ERBB4: variants seen among roughly 807,000 people sequenced by gnomAD.
ERBB4 encodes erb-b2 receptor tyrosine kinase 4.
In ERBB4, 42 loss-of-function variants were observed where a neutral mutation model predicts 158.0. The observed-to-expected ratio is 0.27, with a 90% CI of 0.21 to 0.34. ERBB4 has a LOEUF of 0.34. Ranked by LOEUF, ERBB4 falls within the 10% of genes least tolerant of loss-of-function variation. The pLI is 1.00. For synonymous variants in ERBB4, 583 were observed against 558.7 expected (o/e 1.04, Z -0.61); for missense variants, 1,333 against 1,624.1 (o/e 0.82, Z 3.08).
intron 19 of ERBB4, among the ~76,000 whole-genome samples, chr2:211,595,301 G>C (rs935245238): frequency 7.9e-5 from 12 of 151,984 alleles, no homozygotes; most frequent in African/African-American, 2.9e-4. Context: ...TTAAAATTAA[G>C]AGCTAAGATC....
intron 1 of ERBB4, among the ~76,000 whole-genome samples, chr2:212,535,820 C>T (rs1575100283): frequency 1.3e-5 from 2 of 152,088 alleles, no homozygotes; most frequent in Admixed American, 6.6e-5. Flanking sequence ...AGGTTCTCTT[C>T]TGTTACAATT....
chr2:212,128,537 T>G (rs1038234930), intron 1 of ERBB4, among the ~76,000 whole-genome samples: 2 of 152,096 alleles, frequency 1.3e-5, no homozygotes, highest in African/African-American at 4.8e-5. Flanking sequence ...TAAAAGGAAG[T>G]AGGATTTTCA....
chr2:211,779,786 T>A (rs2075989217), intron 4 of ERBB4: 1 of 152,128 alleles, frequency 6.6e-6, no homozygotes, highest in Non-Finnish European at 1.5e-5. Context: ...AAAGAAGGAA[T>A]CAAACTCCCA....
intron 1 of ERBB4, among the ~76,000 whole-genome samples, chr2:212,329,850 G>T (rs1307442291): frequency 1.3e-5 from 2 of 152,028 alleles, no homozygotes; most frequent in African/African-American, 4.8e-5. Context: ...AATCCCTTTA[G>T]AAAGAGAAAA....
chr2:211,520,212 T>C (rs1046409252), intron 20 of ERBB4, among the ~76,000 whole-genome samples: 1 of 152,186 alleles, frequency 6.6e-6, no homozygotes, highest in Non-Finnish European at 1.5e-5. Flanking sequence ...ATTTTGGTTT[T>C]GTTTCATACG....
chr2:212,430,767 G>A (rs903632925), intron 1 of ERBB4, among the ~76,000 whole-genome samples: 1 of 152,110 alleles, frequency 6.6e-6, no homozygotes, highest in African/African-American at 2.4e-5. Flanking sequence ...TGAGTACAGA[G>A]TTATTTTCCA....
In ERBB4 at chr2:211,631,967, A is replaced by T. The variant is rs148474023; in HGVS notation, c.1947-1373T>A. Among the ~76,000 whole-genome samples the T allele has an allele frequency of 1.0e-3, 156 of 152,212 alleles. 3 individuals carry two copies. In the East Asian group the frequency reaches 0.026, roughly 26 times the overall value. Reference sequence around the variant, plus strand: ...AATAGTATGGTGGATGATTCTCAATAAAATCTTGAAATTTTAAAAAGCTCA... The same window carrying T: ...AATAGTATGGTGGATGATTCTCAATTAAATCTTGAAATTTTAAAAAGCTCA... On this transcript the variant is annotated intron_variant, in intron 16 of 27. Coordinates refer to ENST00000342788, the MANE Select transcript of ERBB4 (RefSeq NM_005235.3).
At chr2:211,473,918 G>C (rs933148191) in intron 20 of ERBB4, among the ~76,000 whole-genome samples, 1 of 152,038 alleles carries the variant, frequency 6.6e-6, no homozygotes, top group Non-Finnish European at 1.5e-5. Context: ...TTTGAAGTTT[G>C]TGGAGAGATT....
At chr2:211,492,633 C>A (rs957524961) in intron 20 of ERBB4, among the ~76,000 whole-genome samples, 3 of 152,012 alleles carry the variant, frequency 2.0e-5, no homozygotes, top group Non-Finnish European at 2.9e-5. Flanking sequence ...ACAATAAGCA[C>A]AACAACAATT....
At chr2:212,339,116 A>G (rs2088582233) in intron 1 of ERBB4, among the ~76,000 whole-genome samples, 1 of 152,082 alleles carries the variant, frequency 6.6e-6, no homozygotes, top group Non-Finnish European at 1.5e-5. Flanking sequence ...CATCACTTAC[A>G]TATTAAGTCC....
intron 2 of ERBB4, among the ~76,000 whole-genome samples, chr2:212,103,074 A>G (rs1202930698): frequency 1.3e-5 from 2 of 152,054 alleles, no homozygotes; most frequent in Admixed American, 6.6e-5. Context: ...ATTTATTTCA[A>G]TGCATGACAG....
intron 25 of ERBB4, among the ~76,000 whole-genome samples, chr2:211,410,245 A>T (rs182539306): frequency 2.0e-5 from 3 of 152,334 alleles, no homozygotes; most frequent in Admixed American, 6.5e-5. Flanking sequence ...ATATATATAC[A>T]CACATTGCCA....
chr2:212,248,702 T>C (rs76400241), intron 1 of ERBB4, among the ~76,000 whole-genome samples: 9,622 of 152,176 alleles, frequency 0.063, 359 homozygotes, highest in Non-Finnish European at 0.082. Context: ...GTACTCAGCA[T>C]TGTCATCAAA....
chr2:212,185,423 T>G (rs1223257190), intron 1 of ERBB4, among the ~76,000 whole-genome samples: 2 of 151,980 alleles, frequency 1.3e-5, no homozygotes, highest in Non-Finnish European at 2.9e-5. Context: ...CAGTTTTAAC[T>G]ATGGGTTTCA....
At chr2:212,261,290 T>G (rs980403607) in intron 1 of ERBB4, among the ~76,000 whole-genome samples, 1 of 152,106 alleles carries the variant, frequency 6.6e-6, no homozygotes, top group Non-Finnish European at 1.5e-5. Flanking sequence ...GGAAATCACA[T>G]TGAGAAGAAA....
chr2:212,464,837 A>G (rs1325333179), intron 1 of ERBB4, among the ~76,000 whole-genome samples: 1 of 151,876 alleles, frequency 6.6e-6, no homozygotes, highest in Non-Finnish European at 1.5e-5. Flanking sequence ...ACTCAAAACT[A>G]TTTGTTTTAA....
intron 2 of ERBB4, among the ~76,000 whole-genome samples, chr2:211,955,712 A>G (rs892700414): frequency 2.0e-5 from 3 of 152,114 alleles, no homozygotes; most frequent in African/African-American, 7.2e-5. Flanking sequence ...CACTATGTCC[A>G]AATAAGACAA....
intron 1 of ERBB4, among the ~76,000 whole-genome samples, chr2:212,465,456 C>T (rs550883813): frequency 6.6e-6 from 1 of 152,274 alleles, no homozygotes; most frequent in Non-Finnish European, 1.5e-5. Context: ...TCTATATTTT[C>T]ATATCTCTGT....
intron 19 of ERBB4, among the ~76,000 whole-genome samples, chr2:211,575,165 A>G (rs887962345): frequency 1.3e-5 from 2 of 152,192 alleles, no homozygotes; most frequent in African/African-American, 2.4e-5. Flanking sequence ...GGAGCTATTC[A>G]TGTCAGTTAG....
Sources: gnomAD v4.1 joint callset for allele counts (sites outside exome capture counted in the v4.1 genomes callset) on GRCh38, gnomAD v4.1.1 for gene constraint, MANE v1.5 for transcripts, NCBI Gene and HGNC (gene_info 2026-07-23, HGNC 2026-07-21) for gene names.